Variants in SLC25A26 observed in about 807,000 individuals in gnomAD.
SLC25A26 encodes the protein solute carrier family 25 member 26, also known as mitochondrial S-adenosylmethionine carrier protein.
In SLC25A26, 36 loss-of-function variants were observed where a neutral mutation model predicts 37.8. The ratio of observed to expected loss-of-function variants is 0.95; its 90% CI spans 0.73 to 1.26. The LOEUF (loss-of-function observed/expected upper bound fraction) is 1.26, where lower values mean the gene tolerates loss of function less well. Ranked by LOEUF, SLC25A26 falls within the 50% of genes most tolerant of loss-of-function variation. The pLI is 0.00. For missense variants in SLC25A26, 390 were observed against 331.1 expected (o/e 1.18, Z -1.38); for synonymous variants, 129 against 122.5 (o/e 1.05, Z -0.35).
intron 5 of SLC25A26, among the ~76,000 whole-genome samples, chr3:66,293,735 G>T (rs1348631308): frequency 6.6e-6 from 1 of 152,082 alleles, no homozygotes; most frequent in Non-Finnish European, 1.5e-5. Flanking sequence ...TTTTCTTACG[G>T]CTGTATAGTA....
intron 5 of SLC25A26, among the ~76,000 whole-genome samples, chr3:66,268,857 G>GCT (rs981774724): frequency 6.6e-6 from 1 of 152,120 alleles, no homozygotes; most frequent in Non-Finnish European, 1.5e-5. Flanking sequence ...CCCCCTTTGT[G>GCT]CTCTCTCTCT....
At chr3:66,343,411 A>G (rs752997045) in intron 5 of SLC25A26, among the ~76,000 whole-genome samples, 77 of 152,246 alleles carry the variant, frequency 5.1e-4, no homozygotes, top group Non-Finnish European at 1.0e-3. Context: ...TAATTACTTT[A>G]GACTGTCAGT....
chr3:66,209,436 C>T (rs1039892874), intron 1 of SLC25A26, among the ~76,000 whole-genome samples: 3 of 136,344 alleles, frequency 2.2e-5, no homozygotes, highest in Non-Finnish European at 3.1e-5. Context: ...TATATAGTCA[C>T]ATAAAGATAT....
intron 1 of SLC25A26, among the ~76,000 whole-genome samples, chr3:66,208,744 G>GTATATATATATATACACATTTATA (rs1310519860): frequency 7.3e-6 from 1 of 136,858 alleles, no homozygotes; most frequent in African/African-American, 2.7e-5. Flanking sequence ...ATTTATATGG[G>GTATATATATATATACACATTTATA]TGTATATATA....
At chr3:66,213,913 GA>G (rs2071322209) in intron 1 of SLC25A26, among the ~76,000 whole-genome samples, 1 of 152,006 alleles carries the variant, frequency 6.6e-6, no homozygotes, top group South Asian at 2.1e-4. Flanking sequence ...CTGGGTAACA[GA>G]GTGACACTCC....
At chr3:66,137,351 C>T (rs1047630647) in intron 1 of SLC25A26, among the ~76,000 whole-genome samples, 3 of 151,766 alleles carry the variant, frequency 2.0e-5, no homozygotes, top group East Asian at 1.9e-4. Context: ...CTCAGCCTCC[C>T]GAGTAGCTGG....
rs1032342728 is a variant in SLC25A26 at position 66,352,055 on chromosome 3, C to G, written c.498+5647C>G. ...CCTGAGCTCAGGAGTTTGAGACCAG[C>G]CTGGGCAACATAGACTCCATCTCTA... On this transcript the variant is annotated intron_variant, in intron 6 of 9. Transcript: ENST00000354883. 1.3e-5 allele frequency among the ~76,000 whole-genome samples: 2 copies of G among 151,826 alleles called. 1 individual carries two copies. The highest frequency in any genetic ancestry group is 1.3e-4 in the Admixed American group (2 of 15,232).
chr3:66,287,561 A>G (rs1054041461), intron 5 of SLC25A26, among the ~76,000 whole-genome samples: 5 of 152,134 alleles, frequency 3.3e-5, no homozygotes, highest in Admixed American at 1.3e-4. Context: ...TATAGTTACT[A>G]TTACTTCCTT....
In SLC25A26 at chr3:66,246,544, A is replaced by T. The variant is rs539096770; in HGVS notation, c.300+3232A>T. On this transcript the variant is annotated intron_variant, in intron 3 of 9. Coordinates refer to ENST00000354883, the MANE Select transcript of SLC25A26 (RefSeq NM_001379210.1). ...AAAAGGCTCTAAGTTTCTAAGATTT[A>T]CAAATATTATGTCATAACATTTGAT... Among the ~76,000 whole-genome samples the T allele has an allele frequency of 7.2e-5, 11 of 152,296 alleles. No individual in the cohort carries two copies. In the East Asian group the frequency reaches 2.1e-3, roughly 29 times the overall value.
chr3:66,316,967 C>T (rs2075557269), intron 5 of SLC25A26, among the ~76,000 whole-genome samples: 2 of 152,112 alleles, frequency 1.3e-5, no homozygotes, highest in Admixed American at 1.3e-4. Flanking sequence ...CATTTATGTT[C>T]ATCTCTAAAC....
At chr3:66,199,997 G>A (rs1240692760) in intron 1 of SLC25A26, among the ~76,000 whole-genome samples, 4 of 152,124 alleles carry the variant, frequency 2.6e-5, no homozygotes, top group African/African-American at 9.7e-5. Flanking sequence ...CTTGCAATAT[G>A]AAAATAATTT....
intron 5 of SLC25A26, among the ~76,000 whole-genome samples, chr3:66,272,047 TTCATATGTAAACACCTAAAAAATGTGTG>T (rs1463711642): frequency 6.6e-6 from 1 of 152,160 alleles, no homozygotes; most frequent in Admixed American, 6.5e-5. Flanking sequence ...TATTGATATA[TTCATATGTAAACACCTAAAAAATGTGTG>T]TCATTTTAGA....
chr3:66,240,929 G>A (rs2072551471), intron 2 of SLC25A26, among the ~76,000 whole-genome samples: 1 of 151,854 alleles, frequency 6.6e-6, no homozygotes, highest in South Asian at 2.1e-4. Flanking sequence ...TGTATTTTTA[G>A]TAGAGACGGG....
At chr3:66,314,520 G>A (rs1559689398) in intron 5 of SLC25A26, among the ~76,000 whole-genome samples, 2 of 152,088 alleles carry the variant, frequency 1.3e-5, no homozygotes, top group African/African-American at 2.4e-5. Context: ...CGGCGTGCCT[G>A]TATTTTATTG....
chr3:66,171,104 T>G lies in SLC25A26; in HGVS notation c.-354+37120T>G, dbSNP rs567840304. On this transcript the variant is annotated intron_variant, in intron 1 of 10. Coordinates refer to the SLC25A26 transcript ENST00000676754. ...AGGCGTGAGCCACCGCGCCCGGCCG[T>G]GATTATTGTTTCATTGAAAACATTA... Among the ~76,000 whole-genome samples the G allele has an allele frequency of 7.9e-5, 12 of 152,276 alleles. No individual in the cohort carries two copies. In the South Asian group the frequency reaches 1.9e-3, roughly 24 times the overall value.
chr3:66,365,399 T>C (rs1203394497), intron 7 of SLC25A26, among the ~76,000 whole-genome samples: 1 of 152,234 alleles, frequency 6.6e-6, no homozygotes, highest in African/African-American at 2.4e-5. Context: ...TGGCTTGTCA[T>C]GCACAGAAAT....
chr3:66,223,207 A>G (rs368136846), intron 1 of SLC25A26, among the ~76,000 whole-genome samples: 1 of 152,254 alleles, frequency 6.6e-6, no homozygotes, highest in South Asian at 2.1e-4. Context: ...TGGAGTGACC[A>G]AGGAAAGCCA....
intron 6 of SLC25A26, among the ~76,000 whole-genome samples, chr3:66,353,692 T>C (rs1316410603): frequency 6.6e-6 from 1 of 152,168 alleles, no homozygotes; most frequent in East Asian, 1.9e-4. Flanking sequence ...TTAGACCACC[T>C]CTCCCCAGTA....
At chr3:66,323,352 G>A (rs577523536) in intron 5 of SLC25A26, among the ~76,000 whole-genome samples, 2 of 152,324 alleles carry the variant, frequency 1.3e-5, no homozygotes, top group African/African-American at 2.4e-5. Context: ...CTAAAATAAT[G>A]TATTATATCA....
Sources: gnomAD v4.1 joint callset for allele counts (sites outside exome capture counted in the v4.1 genomes callset) on GRCh38, gnomAD v4.1.1 for gene constraint, MANE v1.5 for transcripts, NCBI Gene and HGNC (gene_info 2026-07-23, HGNC 2026-07-21) for gene names.